AGPAT3: variants seen among roughly 807,000 people sequenced by gnomAD.
AGPAT3 encodes 1-acyl-sn-glycerol-3-phosphate acyltransferase gamma.
A neutral mutation model predicts 47.3 loss-of-function variants in AGPAT3; 5 were observed. That is an observed-to-expected ratio of 0.11 (90% confidence interval 0.06 to 0.22). The LOEUF (loss-of-function observed/expected upper bound fraction) is 0.22. Among genes scored for constraint, AGPAT3 ranks in the 10% least tolerant of loss-of-function variants. AGPAT3 has a pLI of 1.00. For synonymous variants in AGPAT3, 212 were observed against 208.3 expected, an observed-to-expected ratio of 1.02 and a Z score of -0.15; for missense variants, 315 against 493.0, an observed-to-expected ratio of 0.64 and a Z score of 3.42.
chr21:43,935,543 G>T (rs2087416062), intron 2 of AGPAT3, among the ~76,000 whole-genome samples: 2 of 152,242 alleles, frequency 1.3e-5, no homozygotes, highest in South Asian at 4.1e-4. Flanking sequence ...GCCTCTGCAC[G>T]CAGTACTGGG....
chr21:43,892,726 T>C (rs528069184), intron 1 of AGPAT3, among the ~76,000 whole-genome samples: 125 of 152,388 alleles, frequency 8.2e-4, no homozygotes, highest in Non-Finnish European at 1.5e-3. Context: ...AAGCCAGACA[T>C]TGACTTCTCT....
chr21:43,973,598 C>A (rs954183798), intron 7 of AGPAT3, among the ~76,000 whole-genome samples: 1 of 152,264 alleles, frequency 6.6e-6, no homozygotes, highest in Admixed American at 6.5e-5. Flanking sequence ...ATCCTCCCTG[C>A]CGCTGCCTTT....
At chr21:43,951,152 C>T (rs1377830317) in intron 2 of AGPAT3, among the ~76,000 whole-genome samples, 3 of 151,436 alleles carry the variant, frequency 2.0e-5, no homozygotes, top group African/African-American at 7.4e-5. Context: ...CCCGTGCCAC[C>T]ACCTCGCAGG....
intron 2 of AGPAT3, among the ~76,000 whole-genome samples, chr21:43,943,607 G>A (rs1021704922): frequency 2.6e-5 from 4 of 152,164 alleles, no homozygotes; most frequent in Non-Finnish European, 4.4e-5. Flanking sequence ...CATTCCTGCC[G>A]CCAGGCCACG....
At chr21:43,918,340 G>C (rs1306217030) in intron 2 of AGPAT3, among the ~76,000 whole-genome samples, 1 of 152,102 alleles carries the variant, frequency 6.6e-6, no homozygotes, top group Non-Finnish European at 1.5e-5. Flanking sequence ...CCTGGTGGCT[G>C]AGGGTTCCCC....
chr21:43,927,948 G>A (rs1387695250), intron 2 of AGPAT3, among the ~76,000 whole-genome samples: 2 of 152,140 alleles, frequency 1.3e-5, no homozygotes, highest in Non-Finnish European at 1.5e-5. Flanking sequence ...AGAACGCCTT[G>A]CCCCAAATTC....
At position 43,982,273 on chromosome 21, in the gene AGPAT3, C is replaced by A. The variant is rs368185480; in HGVS notation, c.1043-31C>A. On this transcript the variant is annotated intron_variant, in intron 9 of 9. Transcript: ENST00000291572. The surrounding 1 kb of genome is among the most constrained non-coding windows in gnomAD (Gnocchi z 6.2). ...AGCAAAAAGGCAAAGTCATCCGTCTCACCTCTTCTCTCTCTCTCCTGTCTT... is the reference window on the plus strand; with the variant it reads ...AGCAAAAAGGCAAAGTCATCCGTCTAACCTCTTCTCTCTCTCTCCTGTCTT... 25 of 1,561,906 alleles carry A rather than the reference C, an allele frequency of 1.6e-5. No individual in the cohort carries two copies. In the African/African-American group the frequency reaches 2.7e-4, roughly 17 times the overall value.
intron 2 of AGPAT3, among the ~76,000 whole-genome samples, chr21:43,943,184 C>T (rs999300425): frequency 6.6e-6 from 1 of 152,212 alleles, no homozygotes; most frequent in African/African-American, 2.4e-5. Context: ...ACACCATTCT[C>T]CTGCCTCAGC....
At chr21:43,928,833 G>A (rs1185801982) in intron 2 of AGPAT3, among the ~76,000 whole-genome samples, 1 of 152,246 alleles carries the variant, frequency 6.6e-6, no homozygotes, top group East Asian at 1.9e-4. Flanking sequence ...GTCTAATTTT[G>A]TTTCACAATG....
chr21:43,891,363 G>C (rs996059696), intron 1 of AGPAT3, among the ~76,000 whole-genome samples: 1 of 152,180 alleles, frequency 6.6e-6, no homozygotes, highest in Admixed American at 6.5e-5. Context: ...GCCGGGTGCG[G>C]TGGCTCACGC....
At chr21:43,919,151 G>A (rs1601306418) in intron 2 of AGPAT3, among the ~76,000 whole-genome samples, 1 of 152,176 alleles carries the variant, frequency 6.6e-6, no homozygotes, top group East Asian at 1.9e-4. Context: ...AAGTTTACCG[G>A]TGTCTCTATT....
Position 43,876,650 on chromosome 21 carries a change from G to A in AGPAT3, c.-112+11305G>A, listed in dbSNP as rs141010671. Among the ~76,000 whole-genome samples the A allele has an allele frequency of 5.5e-4, 83 of 152,272 alleles. 1 individual carries two copies. In the Middle Eastern group the frequency reaches 0.027, roughly 50 times the overall value. On this transcript the variant is annotated intron_variant, in intron 1 of 9. Coordinates refer to ENST00000291572, the MANE Select transcript of AGPAT3 (RefSeq NM_020132.5). ...TACATAAATCCTGATGAGTGAAACC[G>A]TAATGAACAGTAGAAGGAATGTCAC...
At position 43,955,077 on chromosome 21, in the gene AGPAT3, T is replaced by A; in HGVS notation, c.-48-4557T>A. 1 of 1,246,276 alleles carries A rather than the reference T, an allele frequency of 8.0e-7. No individual in the cohort carries two copies. The highest frequency in any genetic ancestry group is 1.3e-5 in the South Asian group (1 of 76,702). 77.2% of individuals were successfully genotyped at this position (1,246,276 alleles called of 1,614,324 possible). A position where few individuals can be genotyped will look rare whatever the true frequency, so the allele number is the denominator to read the frequency against. On this transcript the variant is annotated intron_variant, in intron 2 of 9. Transcript: ENST00000291572. The surrounding 1 kb of genome is among the most constrained non-coding windows in gnomAD (Gnocchi z 4.1). ...TGGCCCCCAAAGGCTGGGTGCCAGC[T>A]GCCTGTCGGCAGGGAGCGTATCACC...
intron 2 of AGPAT3, among the ~76,000 whole-genome samples, chr21:43,910,619 G>T (rs2086611044): frequency 6.6e-6 from 1 of 152,222 alleles, no homozygotes; most frequent in African/African-American, 2.4e-5. Flanking sequence ...GCCCACGGGG[G>T]ACTGGAGGAG....
chr21:43,924,320 G>A (rs942608839), intron 2 of AGPAT3, among the ~76,000 whole-genome samples: 14 of 151,858 alleles, frequency 9.2e-5, no homozygotes, highest in Non-Finnish European at 1.5e-4. Flanking sequence ...CCATCGCGCC[G>A]AGCCAGGAAA....
intron 2 of AGPAT3, among the ~76,000 whole-genome samples, chr21:43,913,784 A>C (rs1016102930): frequency 2.0e-5 from 3 of 152,184 alleles, no homozygotes; most frequent in Non-Finnish European, 4.4e-5. Flanking sequence ...CCCGCAGGGC[A>C]CAGCCGGCCC....
chr21:43,985,354 A>C lies in AGPAT3; in HGVS notation c.*2962A>C. On this transcript the variant is annotated 3_prime_UTR_variant, in exon 10 of 10. Coordinates refer to ENST00000291572, the MANE Select transcript of AGPAT3 (RefSeq NM_020132.5). ...GGAAGAGATGAGCGCTGAACAAATCACTAAATAACACAAAACAACAATGTA... is the reference window on the plus strand; with the variant it reads ...GGAAGAGATGAGCGCTGAACAAATCCCTAAATAACACAAAACAACAATGTA... 1 of 348,138 alleles carries C rather than the reference A, an allele frequency of 2.9e-6. No individual in the cohort carries two copies. The highest frequency in any genetic ancestry group is 4.1e-5 in the Admixed American group (1 of 24,600). 21.6% of individuals were successfully genotyped at this position (348,138 alleles called of 1,614,324 possible).
intron 1 of AGPAT3, among the ~76,000 whole-genome samples, chr21:43,886,998 T>C (rs907221483): frequency 7.2e-5 from 11 of 152,254 alleles, no homozygotes; most frequent in Non-Finnish European, 1.2e-4. Context: ...GCTGTATTTT[T>C]AGTTTTCTGA....
At chr21:43,885,464 C>T (rs2085955062) in intron 1 of AGPAT3, among the ~76,000 whole-genome samples, 1 of 150,842 alleles carries the variant, frequency 6.6e-6, no homozygotes, top group South Asian at 2.1e-4. Context: ...TCTCAGCTCA[C>T]TGCAACCTCC....
Sources: allele counts gnomAD v4.1 joint callset (sites outside exome capture counted in the v4.1 genomes callset), GRCh38; gene constraint gnomAD v4.1.1; non-coding constraint Gnocchi (gnomAD v3.1); transcripts MANE v1.5; gene names NCBI Gene and HGNC (gene_info 2026-07-23, HGNC 2026-07-21).